The following ACAD10 variants were observed in gnomAD, a reference collection of about 807,000 sequenced individuals.
ACAD10 encodes ACAD-10.
ACAD10 carries 112 observed loss-of-function variants against 116.8 expected under a neutral mutation model. That is an observed-to-expected ratio of 0.96 (90% CI 0.82 to 1.12). The LOEUF is 1.12. Ranked by LOEUF, ACAD10 falls within the 50% of genes most tolerant of loss-of-function variation. The probability of loss-of-function intolerance (pLI) is 0.00; values close to 1 mark genes in which losing one functional copy is unlikely to be tolerated. For synonymous variants in ACAD10, 486 were observed against 510.6 expected (o/e 0.95, Z 0.65); for missense variants, 1,259 against 1,350.2 (o/e 0.93, Z 1.06).
Position 111,694,017 on chromosome 12 carries a change from A to C in ACAD10, c.187+1121A>C, listed in dbSNP as rs151285568. 8.5e-4 allele frequency among the ~76,000 whole-genome samples: 129 copies of C among 152,072 alleles called. No individual in the cohort carries two copies. In the East Asian group the frequency reaches 8.5e-3, roughly 10 times the overall value. ...TGTCGCCTCCTGCTATCATATTCTC[A>C]TGCCAGCCAGCAGGAAGGACAAAGG... On this transcript the variant is annotated intron_variant, in intron 2 of 20. Coordinates refer to ENST00000313698, the MANE Select transcript of ACAD10 (RefSeq NM_025247.6).
intron 2 of ACAD10, among the ~76,000 whole-genome samples, chr12:111,700,440 T>G (rs1459686870): frequency 6.6e-6 from 1 of 152,202 alleles, no homozygotes; most frequent in Non-Finnish European, 1.5e-5. Flanking sequence ...GAAAGTAGAA[T>G]TACTACGTCA....
intron 11 of ACAD10, among the ~76,000 whole-genome samples, chr12:111,735,084 C>T (rs935629711): frequency 5.9e-5 from 9 of 151,934 alleles, no homozygotes; most frequent in South Asian, 2.1e-4. Flanking sequence ...ATTAGCTGGG[C>T]GTGGTGGTGG....
intron 8 of ACAD10, among the ~76,000 whole-genome samples, chr12:111,724,890 A>G (rs932215544): frequency 4.0e-5 from 6 of 150,474 alleles, no homozygotes; most frequent in African/African-American, 1.5e-4. Context: ...GTGGAAAGAG[A>G]GGGAGAGGGA....
intron 10 of ACAD10, among the ~76,000 whole-genome samples, chr12:111,732,977 T>C (rs997074539): frequency 1.3e-5 from 2 of 152,198 alleles, no homozygotes; most frequent in Non-Finnish European, 2.9e-5. Context: ...GAAGACTTGC[T>C]AGCATGCTGG....
intron 12 of ACAD10, 94 bp from the exon 13 acceptor site, chr12:111,744,549 G>A: frequency 6.9e-7 from 1 of 1,456,934 alleles, no homozygotes; most frequent in East Asian, 2.3e-5. Flanking sequence ...TCAGCAAATG[G>A]CAATAGCTGC....
At chr12:111,711,542 TGAG>T (rs1888686502) in intron 5 of ACAD10, among the ~76,000 whole-genome samples, 1 of 146,822 alleles carries the variant, frequency 6.8e-6, no homozygotes, top group African/African-American at 2.6e-5. Context: ...TTTTTTTTTT[TGAG>T]ATGGAGTCTT....
At chr12:111,746,922 C>T (rs1265372694) in intron 14 of ACAD10, 127 bp from the exon 15 acceptor site, 17 of 1,289,954 alleles carry the variant, frequency 1.3e-5, no homozygotes, top group Non-Finnish European at 1.8e-5. Context: ...ATGGCTTGAG[C>T]TGAGGAAGTC....
chr12:111,700,111 T>C (rs1488246654), intron 2 of ACAD10, among the ~76,000 whole-genome samples: 1 of 151,616 alleles, frequency 6.6e-6, no homozygotes, highest in East Asian at 1.9e-4. Context: ...TTCCAGCTAC[T>C]AGGGAGGCTG....
chr12:111,726,984 G>T (rs1481165504), intron 8 of ACAD10, among the ~76,000 whole-genome samples: 2 of 152,184 alleles, frequency 1.3e-5, no homozygotes, highest in African/African-American at 4.8e-5. Flanking sequence ...CCAACACTTT[G>T]GGAGGCTGAG....
chr12:111,740,895 C>G (rs1441099003), intron 12 of ACAD10, among the ~76,000 whole-genome samples: 1 of 151,856 alleles, frequency 6.6e-6, no homozygotes, highest in African/African-American at 2.4e-5. Context: ...TTTGCTAGTG[C>G]TGATGGAGTG....
intron 20 of ACAD10, 65 bp downstream of exon 20, chr12:111,755,810 T>C (rs1419541231): frequency 6.7e-7 from 1 of 1,497,704 alleles, no homozygotes. Context: ...CTCTCCTATC[T>C]TCAGCCGCCC....
chr12:111,727,214 A>G (rs974638610), intron 8 of ACAD10, among the ~76,000 whole-genome samples: 2 of 151,912 alleles, frequency 1.3e-5, no homozygotes, highest in Non-Finnish European at 2.9e-5. Flanking sequence ...CGACAGAGCA[A>G]GACTCCATCT....
chr12:111,735,538 C>A (rs925426953), intron 11 of ACAD10, among the ~76,000 whole-genome samples: 1 of 151,696 alleles, frequency 6.6e-6, no homozygotes, highest in Non-Finnish European at 1.5e-5. Flanking sequence ...TCACTGCAAG[C>A]TCCACCTCCC....
chr12:111,737,361 A>G (rs1011747799), intron 12 of ACAD10, among the ~76,000 whole-genome samples: 8 of 151,286 alleles, frequency 5.3e-5, no homozygotes, highest in Non-Finnish European at 1.2e-4. Context: ...TTTTTTTTGT[A>G]TTTTTAGTAG....
chr12:111,710,487 G>T, intron 5 of ACAD10: 1 of 241,276 alleles, frequency 4.1e-6, no homozygotes, highest in African/African-American at 2.4e-5. Context: ...GCACAAGAGG[G>T]TATTGTGAAA....
At chr12:111,731,569 T>C (rs1889384563) in intron 10 of ACAD10, among the ~76,000 whole-genome samples, 1 of 152,198 alleles carries the variant, frequency 6.6e-6, no homozygotes. Context: ...AGATATCCAG[T>C]GCAGTCTGAG....
chr12:111,700,933 A>AT (rs918133773), intron 2 of ACAD10, among the ~76,000 whole-genome samples: 1 of 150,532 alleles, frequency 6.6e-6, no homozygotes. Flanking sequence ...TAATTTTTAA[A>AT]TTTTTTCTAG....
At position 111,756,241 on chromosome 12, in the gene ACAD10, G is replaced by T. The variant is rs182603167; in HGVS notation, c.3040-92G>T. Reference sequence around the variant, plus strand: ...CACAGGGAAGTCCGGGAAGATGGTTGTTATGGGCCATCAAGAGCAGGCTAT... The same window carrying T: ...CACAGGGAAGTCCGGGAAGATGGTTTTTATGGGCCATCAAGAGCAGGCTAT... On this transcript the variant is annotated intron_variant, in intron 20 of 20. Transcript: ENST00000313698. 1.2e-3 allele frequency: 1,753 copies of T among 1,476,902 alleles called. 5 individuals are homozygous for T. In the Middle Eastern group the frequency reaches 0.02, roughly 17 times the overall value. The allele number at this position is 1,476,902 out of a possible 1,614,324, so 91.5% of individuals were successfully genotyped here.
At chr12:111,736,504 T>C (rs894970007) in intron 11 of ACAD10, among the ~76,000 whole-genome samples, 1 of 152,212 alleles carries the variant, frequency 6.6e-6, no homozygotes, top group Non-Finnish European at 1.5e-5. Flanking sequence ...GATCGCTCTT[T>C]CCATATCATT....
Sources: allele counts gnomAD v4.1 joint callset (sites outside exome capture counted in the v4.1 genomes callset), GRCh38; gene constraint gnomAD v4.1.1; transcripts MANE v1.5; gene names NCBI Gene and HGNC (gene_info 2026-07-23, HGNC 2026-07-21).